The following DMD variants were observed in gnomAD, a reference collection of about 807,000 sequenced individuals.
The protein encoded by DMD is mutant dystrophin.
A neutral mutation model predicts 330.1 loss-of-function variants in DMD; 63 were observed. That is an observed-to-expected ratio of 0.19 (90% confidence interval 0.16 to 0.24). The LOEUF is 0.24. Among genes scored for constraint, DMD ranks in the 10% least tolerant of loss-of-function variants. DMD has a pLI of 1.00. For synonymous variants in DMD, 1,223 were observed against 959.8 expected, an observed-to-expected ratio of 1.27 and a Z score of -5.07; for missense variants, 3,344 against 2,684.1, an observed-to-expected ratio of 1.25 and a Z score of -5.43.
At chrX:33,305,604 CAA>C (rs200621638) in intron 1 of DMD, among the ~76,000 whole-genome samples, 4 of 84,301 alleles carry the variant, frequency 4.7e-5, no homozygotes, top group Admixed American at 1.3e-4. Flanking sequence ...AATATAACTT[CAA>C]AAAAAAAAAA....
chrX:31,494,394 A>T (rs1008320825), intron 57 of DMD, among the ~76,000 whole-genome samples: 3 of 111,507 alleles, frequency 2.7e-5, no homozygotes, highest in South Asian at 3.8e-4. Flanking sequence ...AATTTAGATG[A>T]TTGAATCTAA....
At chrX:31,503,979 A>T (rs995914531) in intron 56 of DMD, among the ~76,000 whole-genome samples, 1 of 110,734 alleles carries the variant, frequency 9.0e-6, no homozygotes, top group Non-Finnish European at 1.9e-5. Context: ...TAGAGCAGTG[A>T]TTTTTTTTGG....
Position 31,828,907 on chromosome X carries a change from A to G in DMD, c.7200+7811T>C, listed in dbSNP as rs1221490833. ...ATCACCCTAATACCAAAACCAGAAAAGGAAATAACAAAAAAGAAAGCAGCA... is the reference window on the plus strand; with the variant it reads ...ATCACCCTAATACCAAAACCAGAAAGGGAAATAACAAAAAAGAAAGCAGCA... On this transcript the variant is annotated intron_variant, in intron 49 of 78. Transcript: ENST00000357033. 4.5e-5 allele frequency among the ~76,000 whole-genome samples: 5 copies of G among 111,586 alleles called. No individual in the cohort carries two copies. In the Admixed American group the frequency reaches 4.8e-4, roughly 11 times the overall value.
intron 43 of DMD, among the ~76,000 whole-genome samples, chrX:32,269,563 A>G (rs1014857174): frequency 1.8e-5 from 2 of 111,616 alleles, no homozygotes; most frequent in Non-Finnish European, 3.8e-5. Flanking sequence ...ATTCACTGCC[A>G]GTAACAGGAG....
In DMD at chrX:31,382,322, C is replaced by A. The variant is rs190594693; in HGVS notation, c.9085-33688G>T. Among the ~76,000 whole-genome samples, 207 of 111,385 alleles carry A rather than the reference C, an allele frequency of 1.9e-3. 1 individual carries two copies. The highest frequency in any genetic ancestry group is 3.2e-3 in the Non-Finnish European group (168 of 53,101). On this transcript the variant is annotated intron_variant, in intron 60 of 78. Coordinates refer to ENST00000357033, the MANE Select transcript of DMD (RefSeq NM_004006.3). ...TTAGGCCCCAGTCTCATTCCAGACACCAGACCAACTTAGACTGCACCCCAA... is the reference window on the plus strand; with the variant it reads ...TTAGGCCCCAGTCTCATTCCAGACAACAGACCAACTTAGACTGCACCCCAA...
At chrX:32,381,091 T>C (rs1417385097) in intron 33 of DMD, among the ~76,000 whole-genome samples, 1 of 111,726 alleles carries the variant, frequency 9.0e-6, no homozygotes, top group Non-Finnish European at 1.9e-5. Context: ...GACTAGCTCA[T>C]GCTGGTAAGG....
At chrX:32,819,502 CAT>C (rs1356505444) in intron 5 of DMD, among the ~76,000 whole-genome samples, 1 of 111,483 alleles carries the variant, frequency 9.0e-6, no homozygotes, top group Non-Finnish European at 1.9e-5. Flanking sequence ...ATGCCAAACA[CAT>C]GTTATATGCT....
intron 53 of DMD, among the ~76,000 whole-genome samples, chrX:31,671,799 C>CCAAT (rs1325480448): frequency 3.6e-5 from 4 of 111,166 alleles, no homozygotes; most frequent in African/African-American, 9.8e-5. Context: ...TCTTTCCTAA[C>CCAAT]CAATCAGCTA....
chrX:31,768,766 T>C (rs1293135884), intron 51 of DMD, among the ~76,000 whole-genome samples: 1 of 112,237 alleles, frequency 8.9e-6, no homozygotes, highest in Non-Finnish European at 1.9e-5. Flanking sequence ...CCACTGCTAT[T>C]GATTCACAAT....
At chrX:32,775,515 G>A (rs189242272) in intron 7 of DMD, among the ~76,000 whole-genome samples, 20 of 113,303 alleles carry the variant, frequency 1.8e-4, no homozygotes, top group African/African-American at 2.6e-4. Context: ...CTGCACAGCC[G>A]TAGGCAGAAC....
chrX:32,626,190 GC>G (rs2058332453), intron 11 of DMD, among the ~76,000 whole-genome samples: 1 of 111,925 alleles, frequency 8.9e-6, no homozygotes, highest in Non-Finnish European at 1.9e-5. Context: ...GATGGCTCAG[GC>G]TGGGCACAGT....
intron 1 of DMD, among the ~76,000 whole-genome samples, chrX:33,330,381 T>C (rs1430987822): frequency 4.5e-5 from 5 of 111,937 alleles, no homozygotes; most frequent in African/African-American, 1.6e-4. Flanking sequence ...CTATTCTATC[T>C]GAGATGTTAT....
At chrX:32,389,820 A>C in intron 31 of DMD, 146 bp from the exon 32 acceptor site, 2 of 596,336 alleles carry the variant, frequency 3.4e-6, no homozygotes, top group East Asian at 7.1e-5. Context: ...CATTCATCCA[A>C]CACAGGAAAA....
intron 29 of DMD, among the ~76,000 whole-genome samples, chrX:32,418,568 A>G (rs1190917815): frequency 9.0e-6 from 1 of 111,411 alleles, no homozygotes; most frequent in African/African-American, 3.3e-5. Flanking sequence ...TTGCCTACTG[A>G]TTGGTAACTT....
chrX:33,336,035 C>G (rs991399000), intron 1 of DMD, among the ~76,000 whole-genome samples: 3 of 111,142 alleles, frequency 2.7e-5, no homozygotes, highest in Admixed American at 1.9e-4. Context: ...AACCATCTCA[C>G]CTTCTTCAGG....
intron 34 of DMD, among the ~76,000 whole-genome samples, chrX:32,377,711 T>A (rs188884702): frequency 1.8e-5 from 2 of 111,735 alleles, no homozygotes; most frequent in African/African-American, 6.5e-5. Flanking sequence ...TAATTCTACT[T>A]AAAAGCTCAG....
At chrX:32,230,229 TTTTTGTTTTG>T (rs748462548) in intron 43 of DMD, among the ~76,000 whole-genome samples, 81 of 111,679 alleles carry the variant, frequency 7.3e-4, no homozygotes, top group Non-Finnish European at 8.5e-4. Flanking sequence ...AACATGGTTT[TTTTTGTTTTG>T]TTTTGTTTTG....
At chrX:32,459,400 G>A (rs1257702393) in intron 25 of DMD, among the ~76,000 whole-genome samples, 1 of 111,047 alleles carries the variant, frequency 9.0e-6, no homozygotes, top group Non-Finnish European at 1.9e-5. Context: ...TATCCAATTT[G>A]ACCAAGCATT....
intron 55 of DMD, among the ~76,000 whole-genome samples, chrX:31,574,546 A>G (rs1328769637): frequency 8.9e-6 from 1 of 111,793 alleles, no homozygotes; most frequent in East Asian, 2.8e-4. Context: ...AAAGCTAGGT[A>G]ATTTGTCCAC....
Sources: gnomAD v4.1 joint callset for allele counts (sites outside exome capture counted in the v4.1 genomes callset) on GRCh38, gnomAD v4.1.1 for gene constraint, MANE v1.5 for transcripts, NCBI Gene and HGNC (gene_info 2026-07-23, HGNC 2026-07-21) for gene names.